The following AKAP13 variants were observed in gnomAD, a reference collection of about 807,000 sequenced individuals.
AKAP13 encodes A-kinase anchor protein 13.
In AKAP13, 80 loss-of-function variants were observed where a neutral mutation model predicts 264.5. That is an observed-to-expected ratio of 0.30 (90% CI 0.25 to 0.36). The LOEUF (loss-of-function observed/expected upper bound fraction) is 0.36. Ranked by LOEUF, AKAP13 falls within the 10% of genes least tolerant of loss-of-function variation. The pLI is 1.00. For missense variants in AKAP13, 3,712 were observed against 3,435.2 expected (o/e 1.08, Z -2.01); for synonymous variants, 1,380 against 1,250.2 (o/e 1.10, Z -2.19).
At chr15:85,672,580 C>A (rs566538576) in intron 14 of AKAP13, among the ~76,000 whole-genome samples, 14 of 152,266 alleles carry the variant, frequency 9.2e-5, no homozygotes, top group African/African-American at 3.4e-4. Context: ...GAAATAGTGT[C>A]ATAAATAAAA....
chr15:85,740,803 C>T (rs2088918738), intron 34 of AKAP13, among the ~76,000 whole-genome samples: 1 of 134,786 alleles, frequency 7.4e-6, no homozygotes, highest in Non-Finnish European at 1.6e-5. Context: ...GGTAATACCA[C>T]TGACTGCAAA....
At chr15:85,464,430 T>A (rs756596444) in intron 1 of AKAP13, among the ~76,000 whole-genome samples, 1 of 152,198 alleles carries the variant, frequency 6.6e-6, no homozygotes, top group African/African-American at 2.4e-5. Flanking sequence ...ATGGATAATA[T>A]CTATTCCTGA....
chr15:85,596,690 T>C (rs750641505), intron 8 of AKAP13, among the ~76,000 whole-genome samples: 3 of 152,218 alleles, frequency 2.0e-5, no homozygotes, highest in Non-Finnish European at 4.4e-5. Context: ...GTACTGAAGA[T>C]GGTTGCAAAA....
intron 5 of AKAP13, among the ~76,000 whole-genome samples, chr15:85,569,945 C>T (rs930693184): frequency 6.6e-5 from 10 of 151,828 alleles, no homozygotes; most frequent in African/African-American, 1.2e-4. Context: ...GGCATGGTGG[C>T]GGGCGCCTGT....
At chr15:85,397,155 T>C (rs2071158344) in intron 1 of AKAP13, among the ~76,000 whole-genome samples, 1 of 152,088 alleles carries the variant, frequency 6.6e-6, no homozygotes, top group African/African-American at 2.4e-5. Context: ...CTTAATAATT[T>C]ATTTGGCAAT....
chr15:85,581,075 C>G lies in AKAP13; in HGVS notation c.3007C>G (p.Pro1003Ala). Residue 1003 changes from proline (P) to alanine (A), a missense_variant, in exon 7 of 37, where the codon CCA becomes GCA. Pro to Ala is a conservative substitution (Grantham distance 27). Transcript: ENST00000394518. ...AACTGAACATAACAAGGAAGTGGCC[C>G]CACAAGTCTCACTGCTGACTCAAGG... ...AETEHNKEVA[P>A]QVSLLTQGGA... The G allele has an allele frequency of 1.2e-6, 2 of 1,614,022 alleles. No homozygotes were observed. The highest frequency in any genetic ancestry group is 1.7e-6 in the Non-Finnish European group (2 of 1,179,966).
intron 8 of AKAP13, among the ~76,000 whole-genome samples, chr15:85,609,250 A>G (rs1342189955): frequency 6.6e-6 from 1 of 151,924 alleles, no homozygotes; most frequent in African/African-American, 2.4e-5. Context: ...CCATTGACCA[A>G]CCTCTCCCCA....
At chr15:85,531,965 A>G (rs780545493) in intron 3 of AKAP13, among the ~76,000 whole-genome samples, 1 of 152,212 alleles carries the variant, frequency 6.6e-6, no homozygotes, top group Admixed American at 6.5e-5. Context: ...TTGCATCCTG[A>G]TATAATAGAC....
At chr15:85,484,085 A>G (rs369570170) in intron 1 of AKAP13, among the ~76,000 whole-genome samples, 4 of 152,072 alleles carry the variant, frequency 2.6e-5, no homozygotes, top group Admixed American at 6.6e-5. Flanking sequence ...CCATAAATTT[A>G]TAGGTTCTTT....
At chr15:85,399,866 T>C (rs909732428) in intron 1 of AKAP13, among the ~76,000 whole-genome samples, 1 of 152,234 alleles carries the variant, frequency 6.6e-6, no homozygotes, top group African/African-American at 2.4e-5. Flanking sequence ...TAAGGTCCTC[T>C]TCTACACAAA....
chr15:85,741,373 A>G lies in AKAP13; in HGVS notation c.7936A>G (p.Thr2646Ala). 1 of 1,614,124 alleles carries G rather than the reference A, an allele frequency of 6.2e-7. No homozygotes were observed. Among genetic ancestry groups the G allele is most frequent in the Non-Finnish European group, 8.5e-7 (1 of 1,180,042 alleles). The change falls in exon 35 of 37, where the codon ACA (threonine) becomes GCA (alanine). Residue 2646 changes from threonine to alanine, a missense_variant. Thr to Ala is a moderately conservative substitution (Grantham distance 58). Transcript: ENST00000394518. ...GGAGGAGCTCCAGCAGAAGAAGGGC[A>G]CATACCAGTATGACCTGGAGCGACT... ...EREELQQKKG[T>A]YQYDLERLRA...
At chr15:85,391,431 CTT>C (rs1372324348) in intron 1 of AKAP13, among the ~76,000 whole-genome samples, 1 of 151,256 alleles carries the variant, frequency 6.6e-6, no homozygotes, top group Admixed American at 6.6e-5. Context: ...ATGAGGGTAA[CTT>C]TTGATCTTTT....
At chr15:85,516,395 G>A (rs2076600270) in intron 2 of AKAP13, among the ~76,000 whole-genome samples, 1 of 152,176 alleles carries the variant, frequency 6.6e-6, no homozygotes, top group African/African-American at 2.4e-5. Flanking sequence ...GACACAGGCA[G>A]GTTGGTGTCA....
At chr15:85,530,356 G>A (rs771894580) in intron 3 of AKAP13, among the ~76,000 whole-genome samples, 6 of 152,152 alleles carry the variant, frequency 3.9e-5, no homozygotes, top group Non-Finnish European at 8.8e-5. Context: ...TGTGTGAATG[G>A]TGTTTACTTT....
intron 8 of AKAP13, among the ~76,000 whole-genome samples, chr15:85,630,880 A>T (rs955858710): frequency 6.6e-6 from 1 of 152,234 alleles, no homozygotes. Context: ...TATTAAACAT[A>T]AAGTTACCAT....
chr15:85,662,257 C>T, intron 12 of AKAP13: 1 of 802,242 alleles, frequency 1.2e-6, no homozygotes, highest in Non-Finnish European at 2.1e-6. Flanking sequence ...GTGTTACATT[C>T]CTAAATTTTT....
At chr15:85,424,652 G>A (rs1207494412) in intron 1 of AKAP13, among the ~76,000 whole-genome samples, 1 of 152,170 alleles carries the variant, frequency 6.6e-6, no homozygotes, top group South Asian at 2.1e-4. Flanking sequence ...GTAATTTCCC[G>A]CAAGAACTGT....
intron 5 of AKAP13, among the ~76,000 whole-genome samples, chr15:85,553,084 C>CTT (rs10693195): frequency 0.096 from 11,560 of 120,264 alleles, 860 homozygotes; most frequent in African/African-American, 0.17. Context: ...ATCTGTAATT[C>CTT]TTTTTTTTTT....
At chr15:85,401,490 G>A (rs2071419235) in intron 1 of AKAP13, among the ~76,000 whole-genome samples, 1 of 152,158 alleles carries the variant, frequency 6.6e-6, no homozygotes, top group Non-Finnish European at 1.5e-5. Context: ...TGTTACAACA[G>A]CATTATTTGG....
Sources: gnomAD v4.1 joint callset for allele counts (sites outside exome capture counted in the v4.1 genomes callset) on GRCh38, gnomAD v4.1.1 for gene constraint, MANE v1.5 for transcripts, NCBI Gene and HGNC (gene_info 2026-07-23, HGNC 2026-07-21) for gene names.